TMA16: variants seen among roughly 807,000 people sequenced by gnomAD.
The protein encoded by TMA16 is translation machinery-associated protein 16.
Under a neutral mutation model 27.1 loss-of-function variants are expected in TMA16, and 26 were observed. The ratio of observed to expected loss-of-function variants is 0.96; its 90% CI spans 0.70 to 1.33. The LOEUF (loss-of-function observed/expected upper bound fraction) is 1.33, where lower values mean the gene tolerates loss of function less well. Ranked by LOEUF, TMA16 falls within the 40% of genes most tolerant of loss-of-function variation. TMA16 has a pLI of 0.00. For synonymous variants in TMA16, 71 were observed against 81.9 expected (o/e 0.87, Z 0.72); for missense variants, 233 against 241.4 (o/e 0.97, Z 0.23).
intron 4 of TMA16, among the ~76,000 whole-genome samples, 185 bp from the exon 5 acceptor site, chr4:163,515,128 C>T (rs889742008): frequency 3.3e-5 from 5 of 151,918 alleles, no homozygotes; most frequent in Non-Finnish European, 7.4e-5. Context: ...GATTTGGTCA[C>T]TGAAGTTAAA....
intron 1 of TMA16, among the ~76,000 whole-genome samples, chr4:163,501,475 C>T (rs1474378738): frequency 6.6e-6 from 1 of 152,182 alleles, no homozygotes; most frequent in African/African-American, 2.4e-5. Flanking sequence ...TCTCTTTCTA[C>T]AGCTTATTTT....
chr4:163,518,854 C>A (rs1037758793), intron 6 of TMA16, among the ~76,000 whole-genome samples: 3 of 152,066 alleles, frequency 2.0e-5, no homozygotes, highest in African/African-American at 7.2e-5. Flanking sequence ...ATATCTTCTA[C>A]CTCCTCCAAA....
intron 1 of TMA16, among the ~76,000 whole-genome samples, chr4:163,506,261 A>G (rs1183757582): frequency 6.6e-6 from 1 of 152,182 alleles, no homozygotes; most frequent in East Asian, 1.9e-4. Flanking sequence ...TGGATCCCTA[A>G]GGGCTTTGTG....
At chr4:163,495,109 T>A (rs901811548) in intron 1 of TMA16, among the ~76,000 whole-genome samples, 3 of 152,090 alleles carry the variant, frequency 2.0e-5, no homozygotes, top group African/African-American at 7.2e-5. Context: ...ACCTTTCCAT[T>A]GTAACGCATC....
chr4:163,498,169 T>G (rs2110786991), intron 1 of TMA16, among the ~76,000 whole-genome samples: 1 of 152,314 alleles, frequency 6.6e-6, no homozygotes, highest in African/African-American at 2.4e-5. Context: ...TTTAAATTGT[T>G]TACATTCTTT....
chr4:163,519,905 A>T lies in TMA16; in HGVS notation c.*391A>T. On this transcript the variant is annotated 3_prime_UTR_variant, in exon 7 of 7. Coordinates refer to ENST00000358572, the MANE Select transcript of TMA16 (RefSeq NM_018352.3). ...TGTGGGTACTTTTTGAGCTGTGATA[A>T]TAGCAAAATTGTTTTTCGGTAATAA... 1 of 548,998 alleles carries T rather than the reference A, an allele frequency of 1.8e-6. No individual in the cohort carries two copies. The highest frequency in any genetic ancestry group is 3.2e-6 in the Non-Finnish European group (1 of 309,566). The allele number at this position is 548,998 out of a possible 1,614,324, so 34.0% of individuals were successfully genotyped here.
Position 163,519,889 on chromosome 4 carries a change from T to A in TMA16, c.*375T>A, listed in dbSNP as rs1737943265. 4 of 537,368 alleles carry A rather than the reference T, an allele frequency of 7.4e-6. No homozygotes were observed. The highest frequency in any genetic ancestry group is 1.3e-5 in the Non-Finnish European group (4 of 303,856). The allele number at this position is 537,368 out of a possible 1,614,324, so 33.3% of individuals were successfully genotyped here. A position where few individuals can be genotyped will look rare whatever the true frequency, so the allele number is the denominator to read the frequency against. ...TTTCCTGAAAGATTCCTGTGGGTAC[T>A]TTTTGAGCTGTGATAATAGCAAAAT... is the stretch of plus-strand genomic sequence containing the variant. On this transcript the variant is annotated 3_prime_UTR_variant, in exon 7 of 7. Transcript: ENST00000358572.
At chr4:163,502,731 C>T (rs1737664796) in intron 1 of TMA16, among the ~76,000 whole-genome samples, 1 of 152,052 alleles carries the variant, frequency 6.6e-6, no homozygotes, top group Non-Finnish European at 1.5e-5. Flanking sequence ...GTCATTGCAT[C>T]ATATTTATGT....
chr4:163,517,971 GT>G (rs10718981), intron 6 of TMA16, among the ~76,000 whole-genome samples: 60,085 of 147,534 alleles, frequency 0.41, 13,121 homozygotes, highest in Admixed American at 0.54. Flanking sequence ...GATTTTTTAG[GT>G]TTTTTTTTTT....
intron 1 of TMA16, among the ~76,000 whole-genome samples, chr4:163,495,966 A>T (rs1296234144): frequency 6.6e-6 from 1 of 152,054 alleles, no homozygotes; most frequent in Non-Finnish European, 1.5e-5. Context: ...ATTACATCTC[A>T]TTGTGTTTGA....
At chr4:163,500,357 T>G (rs978392994) in intron 1 of TMA16, among the ~76,000 whole-genome samples, 1 of 151,912 alleles carries the variant, frequency 6.6e-6, no homozygotes, top group Non-Finnish European at 1.5e-5. Context: ...ATTATAAGCG[T>G]GCACCACCAC....
At chr4:163,494,939 T>C in intron 1 of TMA16, 135 bp downstream of exon 1, 1 of 1,292,802 alleles carries the variant, frequency 7.7e-7, no homozygotes, top group Non-Finnish European at 1.1e-6. Flanking sequence ...TCAGGGAGTG[T>C]GCGGGGTGCG....
intron 3 of TMA16, 150 bp from the exon 4 acceptor site, chr4:163,513,924 T>C: frequency 2.1e-6 from 1 of 477,772 alleles, no homozygotes; most frequent in Non-Finnish European, 3.6e-6. Flanking sequence ...CTGGTTTAAT[T>C]AGCTTTGAGC....
chr4:163,508,707 T>C (rs1360250999), intron 2 of TMA16, among the ~76,000 whole-genome samples: 1 of 152,210 alleles, frequency 6.6e-6, no homozygotes, highest in Non-Finnish European at 1.5e-5. Context: ...TTACATATAG[T>C]ACCAGTGGTA....
In TMA16 at chr4:163,494,754, A is replaced by C. The variant is rs1477835367; in HGVS notation, c.-48A>C. The C allele has an allele frequency of 3.7e-6, 6 of 1,612,958 alleles. No individual in the cohort carries two copies. Among genetic ancestry groups the C allele is most frequent in the Admixed American group, 3.3e-5 (2 of 60,002 alleles). ...TGCTGCTCCTGCGGTTGGTGAGATTACCTGGGTCTAGAGTGCGGAGCTGCT... is the reference window on the plus strand; with the variant it reads ...TGCTGCTCCTGCGGTTGGTGAGATTCCCTGGGTCTAGAGTGCGGAGCTGCT... On this transcript the variant is annotated 5_prime_UTR_variant, in exon 1 of 7. Transcript: ENST00000358572.
chr4:163,514,525 T>G (rs1737847283), intron 4 of TMA16, among the ~76,000 whole-genome samples: 1 of 152,148 alleles, frequency 6.6e-6, no homozygotes, highest in South Asian at 2.1e-4. Flanking sequence ...TGCCAGACAT[T>G]TAATATGACT....
chr4:163,502,393 G>A (rs1737661363), intron 1 of TMA16, among the ~76,000 whole-genome samples: 2 of 152,058 alleles, frequency 1.3e-5, no homozygotes, highest in African/African-American at 4.8e-5. Context: ...CTCACTCAGG[G>A]CAGCATCCCA....
intron 1 of TMA16, among the ~76,000 whole-genome samples, chr4:163,499,791 A>G (rs1737618204): frequency 6.6e-6 from 1 of 151,988 alleles, no homozygotes; most frequent in African/African-American, 2.4e-5. Context: ...CTCTGTTGGT[A>G]GAATACCCAG....
intron 1 of TMA16, among the ~76,000 whole-genome samples, chr4:163,502,767 C>T (rs1737665316): frequency 6.6e-6 from 1 of 152,140 alleles, no homozygotes; most frequent in Non-Finnish European, 1.5e-5. Flanking sequence ...TGCACTAGGG[C>T]TCACTGGTGC....
Sources: allele counts gnomAD v4.1 joint callset (sites outside exome capture counted in the v4.1 genomes callset), GRCh38; gene constraint gnomAD v4.1.1; transcripts MANE v1.5; gene names NCBI Gene and HGNC (gene_info 2026-07-23, HGNC 2026-07-21).